The following EIF5A2 variants were observed in gnomAD, a reference collection of about 807,000 sequenced individuals.
EIF5A2 encodes the protein eukaryotic translation initiation factor 5A-2.
A neutral mutation model predicts 16.4 loss-of-function variants in EIF5A2; 15 were observed. The observed-to-expected ratio is 0.92, with a 90% CI of 0.61 to 1.41. The LOEUF is 1.41. Ranked by LOEUF, EIF5A2 falls within the 40% of genes most tolerant of loss-of-function variation. EIF5A2 has a pLI of 0.00. For missense variants in EIF5A2, 144 were observed against 189.5 expected (o/e 0.76, Z 1.41); for synonymous variants, 48 against 61.1 (o/e 0.79, Z 1.00).
In EIF5A2 at chr3:170,888,891, C is replaced by T. The variant is rs1475963074; in HGVS notation, c.*4469G>A. On this transcript the variant is annotated 3_prime_UTR_variant, in exon 5 of 5. Coordinates refer to ENST00000295822, the MANE Select transcript of EIF5A2 (RefSeq NM_020390.6). ...ATATTAACCACAATAAATAACTCCTCAAAAAAGATCACAACTATGATGTGT... is the reference window on the plus strand; with the variant it reads ...ATATTAACCACAATAAATAACTCCTTAAAAAAGATCACAACTATGATGTGT... 6.6e-6 allele frequency: 1 copy of T among 152,152 alleles called. No individual in the cohort carries two copies. The highest frequency in any genetic ancestry group is 1.5e-5 in the Non-Finnish European group (1 of 67,930). 9.4% of individuals were successfully genotyped at this position (152,152 alleles called of 1,614,324 possible).
chr3:170,901,033 TAAA>T (rs1396356882), intron 3 of EIF5A2, among the ~76,000 whole-genome samples: 1 of 151,978 alleles, frequency 6.6e-6, no homozygotes, highest in Non-Finnish European at 1.5e-5. Context: ...AGGAAGAAAA[TAAA>T]AATCTGAACT....
chr3:170,903,307 C>A (rs1712857972), intron 3 of EIF5A2, among the ~76,000 whole-genome samples: 1 of 152,186 alleles, frequency 6.6e-6, no homozygotes, highest in African/African-American at 2.4e-5. Context: ...CAAGGCAGTG[C>A]AACACCCAGA....
rs932194988 is a variant in EIF5A2, at chr3:170,893,498, A to G, written c.403-79T>C. On this transcript the variant is annotated intron_variant, in intron 4 of 4. Coordinates refer to ENST00000295822, the MANE Select transcript of EIF5A2 (RefSeq NM_020390.6). ...ATATAATTAGTTCCTCATATATTGT[A>G]TATTTGTGGATATTTTGTACATATG... 1.5e-5 allele frequency: 22 copies of G among 1,432,950 alleles called. 1 individual carries two copies. Among genetic ancestry groups the G allele is most frequent in the Admixed American group, 9.5e-5 (5 of 52,784 alleles). The allele number at this position is 1,432,950 out of a possible 1,614,324, so 88.8% of individuals were successfully genotyped here. A position where few individuals can be genotyped will look rare whatever the true frequency, so the allele number is the denominator to read the frequency against.
At chr3:170,903,282 T>G (rs1218886927) in intron 3 of EIF5A2, among the ~76,000 whole-genome samples, 2 of 152,146 alleles carry the variant, frequency 1.3e-5, no homozygotes, top group East Asian at 1.9e-4. Context: ...AAAACTAATT[T>G]TACAGGCAAA....
chr3:170,906,604 C>G (rs1442907504), intron 3 of EIF5A2, among the ~76,000 whole-genome samples: 3 of 152,074 alleles, frequency 2.0e-5, no homozygotes, highest in African/African-American at 4.8e-5. Flanking sequence ...TTGAATGTCT[C>G]AGGTCTGATC....
intron 2 of EIF5A2, among the ~76,000 whole-genome samples, chr3:170,907,345 G>A (rs1300875636): frequency 6.6e-6 from 1 of 152,158 alleles, no homozygotes; most frequent in Non-Finnish European, 1.5e-5. Flanking sequence ...GAAAAATAAA[G>A]TGTAGATTTC....
chr3:170,907,825 T>A lies in EIF5A2; in HGVS notation c.-19A>T. The stretch of plus-strand genomic sequence containing the variant: ...CTGCCATGGTGGGCAGGGGAGATGG[T>A]AGTTTTTCCGTGGGAACTACACAAA... On this transcript the variant is annotated 5_prime_UTR_variant, in exon 2 of 5. Transcript: ENST00000295822. 6.6e-7 allele frequency: 1 copy of A among 1,520,108 alleles called. No individual in the cohort carries two copies. The highest frequency in any genetic ancestry group is 8.9e-7 in the Non-Finnish European group (1 of 1,121,694). The allele number at this position is 1,520,108 out of a possible 1,614,324, so 94.2% of individuals were successfully genotyped here.
chr3:170,893,311 A>C lies in EIF5A2; in HGVS notation c.*49T>G. The C allele has an allele frequency of 6.3e-7, 1 of 1,593,910 alleles. No individual in the cohort carries two copies. The highest frequency in any genetic ancestry group is 8.6e-7 in the Non-Finnish European group (1 of 1,165,882). ...TGGTGACAACTTAGAACCAAATTAGATCTGCAGTTGATTCAGACATAAACA... is the reference window on the plus strand; with the variant it reads ...TGGTGACAACTTAGAACCAAATTAGCTCTGCAGTTGATTCAGACATAAACA... On this transcript the variant is annotated 3_prime_UTR_variant, in exon 5 of 5. Coordinates refer to ENST00000295822, the MANE Select transcript of EIF5A2 (RefSeq NM_020390.6).
At chr3:170,901,814 G>T (rs1286759940) in intron 3 of EIF5A2, among the ~76,000 whole-genome samples, 1 of 152,170 alleles carries the variant, frequency 6.6e-6, no homozygotes, top group Non-Finnish European at 1.5e-5. Context: ...GACTTGTTTA[G>T]GTAACACCTA....
Position 170,903,630 on chromosome 3 carries a change from C to A in EIF5A2, c.270+3359G>T, listed in dbSNP as rs369034228. Among the ~76,000 whole-genome samples, 16 of 152,212 alleles carry A rather than the reference C, an allele frequency of 1.1e-4. No homozygotes were observed. The East Asian group carries it at 2.3e-3, about 22-fold the overall frequency. On this transcript the variant is annotated intron_variant, in intron 3 of 4. Coordinates refer to ENST00000295822, the MANE Select transcript of EIF5A2 (RefSeq NM_020390.6). ...TCTATTTCCAAAGAAAGACTGCTTC[C>A]ATCTGAGAACACAAGGATTCCCATG...
chr3:170,892,575 A>C lies in EIF5A2; in HGVS notation c.*785T>G, dbSNP rs1712562527. ...AAACGTTGGGGGCAAAGTTAAAAGC[A>C]AAAACAACTGAGAAACAACTTTTCA... On this transcript the variant is annotated 3_prime_UTR_variant, in exon 5 of 5. Transcript: ENST00000295822. 2.5e-6 allele frequency: 1 copy of C among 393,914 alleles called. No homozygotes were observed. Among genetic ancestry groups the C allele is most frequent in the African/African-American group, 2.1e-5 (1 of 48,540 alleles). The allele number at this position is 393,914 out of a possible 1,614,324, so 24.4% of individuals were successfully genotyped here. A position where few individuals can be genotyped will look rare whatever the true frequency, so the allele number is the denominator to read the frequency against.
At chr3:170,906,686 T>C (rs1408264384) in intron 3 of EIF5A2, among the ~76,000 whole-genome samples, 1 of 152,184 alleles carries the variant, frequency 6.6e-6, no homozygotes, top group Non-Finnish European at 1.5e-5. Context: ...ACAGAGAGAA[T>C]AGTACTTTTA....
chr3:170,903,127 G>A (rs1250838800), intron 3 of EIF5A2, among the ~76,000 whole-genome samples: 2 of 152,128 alleles, frequency 1.3e-5, no homozygotes, highest in African/African-American at 4.8e-5. Context: ...CATGAAACAG[G>A]CAGCAATTTT....
intron 2 of EIF5A2, among the ~76,000 whole-genome samples, chr3:170,907,316 C>T (rs1047734611): frequency 6.6e-6 from 1 of 152,074 alleles, no homozygotes; most frequent in African/African-American, 2.4e-5. Context: ...ACCAGTGATT[C>T]AATTATGAGA....
At chr3:170,893,533 A>C in intron 4 of EIF5A2, 114 bp from the exon 5 acceptor site, 1 of 1,094,238 alleles carries the variant, frequency 9.1e-7, no homozygotes, top group African/African-American at 1.6e-5. Flanking sequence ...GGACTTCTGA[A>C]AGGGGTATTC....
chr3:170,902,323 C>T (rs1236570841), intron 3 of EIF5A2, among the ~76,000 whole-genome samples: 1 of 151,482 alleles, frequency 6.6e-6, no homozygotes, highest in Non-Finnish European at 1.5e-5. Context: ...ACTTCAAGCA[C>T]TGGACCTGAA....
intron 3 of EIF5A2, among the ~76,000 whole-genome samples, chr3:170,899,792 T>C (rs1486704143): frequency 6.6e-6 from 1 of 151,958 alleles, no homozygotes; most frequent in Non-Finnish European, 1.5e-5. Flanking sequence ...TGTGCAAATG[T>C]TTCTATCTTC....
Position 170,892,640 on chromosome 3 carries a change from T to C in EIF5A2, c.*720A>G, listed in dbSNP as rs996156267. 6 of 394,668 alleles carry C rather than the reference T, an allele frequency of 1.5e-5. No individual in the cohort carries two copies. Among genetic ancestry groups the C allele is most frequent in the African/African-American group, 8.3e-5 (4 of 48,458 alleles). The allele number at this position is 394,668 out of a possible 1,614,324, so 24.4% of individuals were successfully genotyped here. ...TACAAAGTCCTCACATAAAAACTTATAGATTTAATCAACCCTCTTTGCCAC... is the reference window on the plus strand; with the variant it reads ...TACAAAGTCCTCACATAAAAACTTACAGATTTAATCAACCCTCTTTGCCAC... On this transcript the variant is annotated 3_prime_UTR_variant, in exon 5 of 5. Coordinates refer to ENST00000295822, the MANE Select transcript of EIF5A2 (RefSeq NM_020390.6).
At chr3:170,907,125 C>A in intron 2 of EIF5A2, 32 bp from the exon 3 acceptor site, 1 of 1,454,384 alleles carries the variant, frequency 6.9e-7, no homozygotes. Flanking sequence ...CCTGTTTAAT[C>A]TCTGCCAAGT....
Sources: gnomAD v4.1 joint callset for allele counts (sites outside exome capture counted in the v4.1 genomes callset) on GRCh38, gnomAD v4.1.1 for gene constraint, MANE v1.5 for transcripts, NCBI Gene and HGNC (gene_info 2026-07-23, HGNC 2026-07-21) for gene names.